DST: variants seen among roughly 807,000 people sequenced by gnomAD.
DST encodes the protein bullous pemphigoid antigen.
DST carries 253 observed loss-of-function variants against 875.2 expected under a neutral mutation model. That is an observed-to-expected ratio of 0.29 (90% CI 0.26 to 0.32). The LOEUF (loss-of-function observed/expected upper bound fraction) is 0.32. DST is among the 10% of genes least tolerant of loss of function. The pLI is 1.00. For synonymous variants in DST, 3,124 were observed against 3,197.1 expected, an observed-to-expected ratio of 0.98 and a Z score of 0.77; for missense variants, 8,287 against 9,111.6, an observed-to-expected ratio of 0.91 and a Z score of 3.68.
chr6:56,515,211 G>T (rs535901330), intron 72 of DST, among the ~76,000 whole-genome samples: 14 of 151,984 alleles, frequency 9.2e-5, no homozygotes, highest in Non-Finnish European at 2.1e-4. Context: ...GATTTATACT[G>T]CATATTTTAT....
At chr6:56,759,990 C>T (rs1457956581) in intron 4 of DST, among the ~76,000 whole-genome samples, 2 of 152,102 alleles carry the variant, frequency 1.3e-5, no homozygotes, top group African/African-American at 4.8e-5. Context: ...TTTAAATTAA[C>T]AAATAATAGG....
intron 48 of DST, 74 bp from the exon 49 acceptor site, chr6:56,592,432 C>T: frequency 8.4e-7 from 1 of 1,187,378 alleles, no homozygotes; most frequent in South Asian, 1.5e-5. Context: ...ATCTTAGGAC[C>T]TATAAAATAT....
chr6:56,704,900 C>T (rs763946770), intron 5 of DST, among the ~76,000 whole-genome samples: 1 of 152,090 alleles, frequency 6.6e-6, no homozygotes, highest in South Asian at 2.1e-4. Context: ...TTTTGAAATC[C>T]GTATGTGTCA....
chr6:56,666,846 C>A (rs72881017), intron 10 of DST, among the ~76,000 whole-genome samples: 4,634 of 151,786 alleles, frequency 0.031, 127 homozygotes, highest in Middle Eastern at 0.078. Context: ...AGCTATCCAC[C>A]CACCTCAGAC....
At chr6:56,843,698 G>A (rs2099803485) in intron 4 of DST, 5 of 935,970 alleles carry the variant, frequency 5.3e-6, no homozygotes, top group Admixed American at 6.3e-5. Flanking sequence ...CGGGGAGAGA[G>A]GGAGGGAGGA....
At chr6:56,489,730 T>A (rs2152435523) in intron 85 of DST, 121 bp from the exon 86 acceptor site, 1 of 979,744 alleles carries the variant, frequency 1.0e-6, no homozygotes, top group East Asian at 2.7e-5. Context: ...ATTTCAAAAT[T>A]TCCACTGAAG....
In DST at chr6:56,734,957, T is replaced by C. The variant is rs2099517643; in HGVS notation, c.687+271A>G. On this transcript the variant is annotated intron_variant, in intron 5 of 103. Coordinates refer to ENST00000680361, the MANE Select transcript of DST (RefSeq NM_001374736.1). ...TAAATATTTACAGATTTCTGAAACT[T>C]CTGAGATTTTATAGATTCCAATAGT... 3 of 305,412 alleles carry C rather than the reference T, an allele frequency of 9.8e-6. No homozygotes were observed. The South Asian group carries it at 1.6e-4, about 17-fold the overall frequency. 18.9% of individuals were successfully genotyped at this position (305,412 alleles called of 1,614,324 possible).
intron 4 of DST, among the ~76,000 whole-genome samples, chr6:56,831,546 C>A (rs191261740): frequency 6.6e-6 from 1 of 152,032 alleles, no homozygotes; most frequent in Non-Finnish European, 1.5e-5. Flanking sequence ...CCTGGATGCT[C>A]GTATCACTCC....
Position 56,555,555 on chromosome 6 carries a change from C to G in DST, c.14926G>C (p.Val4976Leu), listed in dbSNP as rs760198324. 4 of 1,613,998 alleles carry G rather than the reference C, an allele frequency of 2.5e-6. No homozygotes were observed. The South Asian group carries it at 4.4e-5, about 18-fold the overall frequency. Residue 4976 changes from valine (V) to leucine (L), a missense_variant, in exon 60 of 104, where the codon GTG becomes CTG. Coordinates refer to ENST00000680361, the MANE Select transcript of DST (RefSeq NM_001374736.1). ...TTCATAGCATCAGGGTGCGTGCTCA[C>G]AGCCAGACTGCTGCTGAGTTTATTA... is the stretch of plus-strand genomic sequence containing the variant. ...LDNKLSSSLAVSTHPDAMNQQ... is the reference protein window; with the variant it reads ...LDNKLSSSLALSTHPDAMNQQ...
intron 5 of DST, among the ~76,000 whole-genome samples, chr6:56,706,321 A>AG (rs1269072881): frequency 6.6e-6 from 1 of 150,890 alleles, no homozygotes; most frequent in East Asian, 1.9e-4. Flanking sequence ...CTCAAAAAAA[A>AG]AAAAGAAAGA....
intron 9 of DST, among the ~76,000 whole-genome samples, chr6:56,671,193 C>G (rs573717843): frequency 6.6e-6 from 1 of 152,138 alleles, no homozygotes; most frequent in Non-Finnish European, 1.5e-5. Context: ...AATTTAAAAG[C>G]ATTTATTCTC....
intron 52 of DST, 86 bp downstream of exon 52, chr6:56,572,661 C>A: frequency 3.1e-6 from 3 of 973,014 alleles, no homozygotes; most frequent in South Asian, 2.2e-5. Context: ...AAATGATTGC[C>A]AATTATAATT....
intron 4 of DST, among the ~76,000 whole-genome samples, chr6:56,840,359 A>C (rs1277784559): frequency 1.3e-5 from 2 of 152,218 alleles, no homozygotes; most frequent in Non-Finnish European, 2.9e-5. Flanking sequence ...CTATAGATAT[A>C]AAAGAAAGCC....
chr6:56,497,927 T>C lies in DST; in HGVS notation c.20023A>G (p.Asn6675Asp). 6.2e-7 allele frequency: 1 copy of C among 1,613,376 alleles called. No homozygotes were observed. Among genetic ancestry groups the C allele is most frequent in the Non-Finnish European group, 8.5e-7 (1 of 1,179,554 alleles). ...SNLQNKLEVL[N>D]QRWQNVLEKT... ...TCCAAAACATTTTGCCAGCGTTGATTTAAAACCTCTAGCTTGTTCTGAAGG... is the reference window on the plus strand; with the variant it reads ...TCCAAAACATTTTGCCAGCGTTGATCTAAAACCTCTAGCTTGTTCTGAAGG... Residue 6675 changes from asparagine (N) to aspartate (D), a missense_variant, in exon 81 of 104, where the codon AAT (asparagine) becomes GAT (aspartate). Physicochemically the swap from Asn to Asp is conservative, Grantham distance 23. This residue lies in a region of DST where 1,292 missense variants were observed against 1,552.7 expected (regional missense o/e 0.83). Coordinates refer to ENST00000680361, the MANE Select transcript of DST (RefSeq NM_001374736.1).
At chr6:56,624,379 T>C (rs2098715276) in intron 36 of DST, 151 bp downstream of exon 36, 4 of 704,600 alleles carry the variant, frequency 5.7e-6, no homozygotes, top group East Asian at 2.7e-5. Flanking sequence ...GTCATTTTCA[T>C]TGTAATTTTA....
chr6:56,852,348 A>G (rs1481095417), intron 3 of DST, among the ~76,000 whole-genome samples: 1 of 152,242 alleles, frequency 6.6e-6, no homozygotes, highest in Non-Finnish European at 1.5e-5. Flanking sequence ...GCAAAGTAAC[A>G]GCTGCCAATA....
At position 56,851,583 on chromosome 6, in the gene DST, G is replaced by A. The variant is rs762076050; in HGVS notation, c.439C>T (p.Arg147Cys). Residue 147 changes from arginine (R) to cysteine (C), a missense_variant, in exon 4 of 104, where the codon CGC becomes TGC. By Grantham distance (180) the Arg-to-Cys change is radical (BLOSUM62 -3). Coordinates refer to ENST00000680361, the MANE Select transcript of DST (RefSeq NM_001374736.1). The stretch of plus-strand genomic sequence containing the variant: ...TCCGCAGAGGAAGACATAGAGCAGC[G>A]ATAGGACGCGTTCCCGGAACTCTAC... ...RRPSSGNASY[R>C]CSMSSSADFS... is the part of the protein sequence containing the mutation. The A allele has an allele frequency of 6.2e-7, 1 of 1,613,890 alleles. No homozygotes were observed. Among genetic ancestry groups the A allele is most frequent in the Non-Finnish European group, 8.5e-7 (1 of 1,179,848 alleles).
At chr6:56,771,716 A>T (rs2099666337) in intron 4 of DST, among the ~76,000 whole-genome samples, 1 of 152,230 alleles carries the variant, frequency 6.6e-6, no homozygotes, top group Non-Finnish European at 1.5e-5. Flanking sequence ...AAAAAACTGC[A>T]TCAAACACTA....
intron 74 of DST, 137 bp downstream of exon 74, chr6:56,509,505 G>A (rs2096420940): frequency 1.5e-6 from 1 of 656,578 alleles, no homozygotes; most frequent in Non-Finnish European, 2.6e-6. Context: ...TGCATACACA[G>A]CCCTTCAACC....
Sources: allele counts gnomAD v4.1 joint callset (sites outside exome capture counted in the v4.1 genomes callset), GRCh38; gene constraint gnomAD v4.1.1; regional missense constraint gnomAD v4.1.1; transcripts MANE v1.5; gene names NCBI Gene and HGNC (gene_info 2026-07-23, HGNC 2026-07-21).